PPHLN1: variants seen among roughly 807,000 people sequenced by gnomAD.
The protein encoded by PPHLN1 is periphilin 1, also known as periphilin-1.
PPHLN1 carries 29 observed loss-of-function variants against 51.3 expected under a neutral mutation model. The ratio of observed to expected loss-of-function variants is 0.57; its 90% confidence interval spans 0.42 to 0.77. The LOEUF (loss-of-function observed/expected upper bound fraction) is 0.77. Among genes scored for constraint, PPHLN1 ranks in the 30% least tolerant of loss-of-function variants. The probability of loss-of-function intolerance (pLI) is 0.00; values close to 1 mark genes in which losing one functional copy is unlikely to be tolerated. For synonymous variants in PPHLN1, 147 were observed against 147.8 expected, an observed-to-expected ratio of 0.99 and a Z score of 0.04; for missense variants, 436 against 438.4, an observed-to-expected ratio of 0.99 and a Z score of 0.05.
At chr12:42,340,967 TTTTC>T (rs200034060) in intron 2 of PPHLN1, among the ~76,000 whole-genome samples, 95 of 150,890 alleles carry the variant, frequency 6.3e-4, no homozygotes, top group African/African-American at 1.9e-3. Flanking sequence ...CTCTCCCTTT[TTTTC>T]TTTCTTTCTT....
At chr12:42,341,914 C>T (rs1346393629) in intron 2 of PPHLN1, among the ~76,000 whole-genome samples, 1 of 152,166 alleles carries the variant, frequency 6.6e-6, no homozygotes, top group Non-Finnish European at 1.5e-5. Context: ...AGCCATCGCG[C>T]CCAGGCGCTT....
At chr12:42,439,577 C>T (rs1390326314) in intron 9 of PPHLN1, among the ~76,000 whole-genome samples, 1 of 152,230 alleles carries the variant, frequency 6.6e-6, no homozygotes, top group Non-Finnish European at 1.5e-5. Context: ...TGCAGTGGCA[C>T]GATCTCGGCT....
At chr12:42,374,829 A>G (rs756430847) in intron 4 of PPHLN1, 34 bp from the exon 5 acceptor site, 15 of 1,501,676 alleles carry the variant, frequency 1.0e-5, no homozygotes, top group Non-Finnish European at 1.4e-5. Context: ...ATAGAGTATA[A>G]TTAACTTATT....
intron 3 of PPHLN1, among the ~76,000 whole-genome samples, chr12:42,352,490 A>C (rs1019501043): frequency 6.6e-6 from 1 of 151,142 alleles, no homozygotes; most frequent in Non-Finnish European, 1.5e-5. Flanking sequence ...GCTCACTGCA[A>C]CCTGTGCCTC....
intron 1 of PPHLN1, among the ~76,000 whole-genome samples, chr12:42,329,108 T>TTG (rs61536981): frequency 0.16 from 20,084 of 124,276 alleles, 1,392 homozygotes; most frequent in South Asian, 0.2. Flanking sequence ...TTTTTTTTTT[T>TTG]TGTGTGTGTG....
chr12:42,417,943 G>T (rs12812573), intron 9 of PPHLN1, among the ~76,000 whole-genome samples: 2,193 of 88,282 alleles, frequency 0.025, 70 homozygotes, highest in Middle Eastern at 0.037. Context: ...TTTTTTTTTT[G>T]TTTTTTTTTT....
At chr12:42,351,806 T>C (rs1194508663) in intron 2 of PPHLN1, 79 bp from the exon 3 acceptor site, 5 of 1,223,484 alleles carry the variant, frequency 4.1e-6, no homozygotes, top group Non-Finnish European at 5.5e-6. Flanking sequence ...GGGTAAGAAC[T>C]CCTGTGCTTT....
At chr12:42,419,323 C>T (rs2080767508) in intron 9 of PPHLN1, among the ~76,000 whole-genome samples, 2 of 151,018 alleles carry the variant, frequency 1.3e-5, no homozygotes, top group South Asian at 4.2e-4. Flanking sequence ...CTCACTGCAA[C>T]CTCTGCCTCC....
At chr12:42,377,341 CTG>C (rs1318306576) in intron 5 of PPHLN1, among the ~76,000 whole-genome samples, 3 of 131,060 alleles carry the variant, frequency 2.3e-5, no homozygotes, top group Non-Finnish European at 4.6e-5. Flanking sequence ...GAGTCTTGCT[CTG>C]TCACCCAGGC....
chr12:42,415,535 T>A (rs79286407), intron 9 of PPHLN1, among the ~76,000 whole-genome samples: 1,916 of 152,324 alleles, frequency 0.013, 49 homozygotes, highest in African/African-American at 0.043. Context: ...TTCACAGAGA[T>A]CCTAGCTTTA....
At chr12:42,393,204 C>T (rs1192404297) in intron 7 of PPHLN1, among the ~76,000 whole-genome samples, 3 of 152,114 alleles carry the variant, frequency 2.0e-5, no homozygotes, top group Non-Finnish European at 4.4e-5. Context: ...GAAATTTAGA[C>T]ATTACTTATT....
At chr12:42,389,875 G>A (rs908164530) in intron 7 of PPHLN1, among the ~76,000 whole-genome samples, 1 of 152,076 alleles carries the variant, frequency 6.6e-6, no homozygotes. Context: ...GTAGAGTGAG[G>A]GCTCAGGAGT....
chr12:42,425,084 ACT>A (rs35692294), intron 9 of PPHLN1, among the ~76,000 whole-genome samples: 1 of 150,792 alleles, frequency 6.6e-6, no homozygotes, highest in Non-Finnish European at 1.5e-5. Context: ...GTATGTATGT[ACT>A]TGTTTATTTT....
intron 5 of PPHLN1, among the ~76,000 whole-genome samples, chr12:42,377,104 AT>A (rs35068416): frequency 0.12 from 17,395 of 147,746 alleles, 1,264 homozygotes; most frequent in African/African-American, 0.21. Flanking sequence ...CTTTTTTGCG[AT>A]TTTTTTTTTT....
intron 5 of PPHLN1, among the ~76,000 whole-genome samples, chr12:42,382,088 A>G (rs944701221): frequency 1.3e-5 from 2 of 152,100 alleles, no homozygotes; most frequent in Non-Finnish European, 2.9e-5. Flanking sequence ...AAATTTGGTT[A>G]GATTTATCAT....
intron 6 of PPHLN1, 103 bp from the exon 7 acceptor site, chr12:42,387,353 A>G: frequency 8.0e-7 from 1 of 1,245,100 alleles, no homozygotes; most frequent in African/African-American, 1.5e-5. Flanking sequence ...AAGTTTTAGT[A>G]CTAAAATAAG....
intron 9 of PPHLN1, among the ~76,000 whole-genome samples, chr12:42,429,296 T>G (rs962503677): frequency 1.4e-4 from 22 of 152,226 alleles, no homozygotes; most frequent in Non-Finnish European, 2.9e-5. Flanking sequence ...TGTTTGTTTA[T>G]TGCCTTTTGA....
intron 9 of PPHLN1, among the ~76,000 whole-genome samples, chr12:42,407,024 A>C (rs559970204): frequency 6.6e-6 from 1 of 152,306 alleles, no homozygotes; most frequent in South Asian, 2.1e-4. Context: ...GTCTGTATGA[A>C]TCTGTTTCTG....
At chr12:42,369,547 T>C (rs999766576) in intron 4 of PPHLN1, among the ~76,000 whole-genome samples, 3 of 152,210 alleles carry the variant, frequency 2.0e-5, no homozygotes, top group Non-Finnish European at 4.4e-5. Context: ...CAGGTTCTGT[T>C]CTAAATTTTT....
Sources: allele counts gnomAD v4.1 joint callset (sites outside exome capture counted in the v4.1 genomes callset), GRCh38; gene constraint gnomAD v4.1.1; transcripts MANE v1.5; gene names NCBI Gene and HGNC (gene_info 2026-07-23, HGNC 2026-07-21).